The following SCUBE1 variants were observed in gnomAD, a reference collection of about 807,000 sequenced individuals.
The protein encoded by SCUBE1 is signal peptide, CUB and EGF-like domain-containing protein 1.
SCUBE1 carries 59 observed loss-of-function variants against 124.4 expected under a neutral mutation model. The ratio of observed to expected loss-of-function variants is 0.47; its 90% CI spans 0.38 to 0.59. SCUBE1 has a LOEUF of 0.59. SCUBE1 is among the 20% of genes least tolerant of loss of function. SCUBE1 has a pLI of 0.00. For synonymous variants in SCUBE1, 545 were observed against 550.9 expected (o/e 0.99, Z 0.15); for missense variants, 1,150 against 1,371.2 (o/e 0.84, Z 2.55).
intron 2 of SCUBE1, among the ~76,000 whole-genome samples, chr22:43,334,551 C>G (rs1380941547): frequency 6.6e-6 from 1 of 152,074 alleles, no homozygotes; most frequent in Non-Finnish European, 1.5e-5. Context: ...TCAGCACCAT[C>G]ATCATCAATA....
chr22:43,306,489 G>C (rs1925974574), intron 3 of SCUBE1, among the ~76,000 whole-genome samples: 2 of 152,066 alleles, frequency 1.3e-5, no homozygotes, highest in South Asian at 4.1e-4. Context: ...AAGGTAGGGT[G>C]GCACCAGGCA....
chr22:43,295,900 T>C (rs1049811571), intron 3 of SCUBE1, among the ~76,000 whole-genome samples: 2 of 152,156 alleles, frequency 1.3e-5, no homozygotes, highest in Non-Finnish European at 2.9e-5. Context: ...TACAAGCTGC[T>C]TTGAGGACAG....
intron 7 of SCUBE1, among the ~76,000 whole-genome samples, chr22:43,233,225 G>A (rs1009264284): frequency 4.6e-5 from 7 of 152,154 alleles, no homozygotes; most frequent in South Asian, 2.1e-4. Context: ...TTAGCTGGGC[G>A]TGGTGGCGCA....
At chr22:43,336,917 A>G (rs1172611405) in intron 2 of SCUBE1, among the ~76,000 whole-genome samples, 1 of 151,984 alleles carries the variant, frequency 6.6e-6, no homozygotes, top group Non-Finnish European at 1.5e-5. Flanking sequence ...AACATAGAGC[A>G]ACCAAGTGTG....
intron 3 of SCUBE1, among the ~76,000 whole-genome samples, chr22:43,312,680 G>A (rs1926212209): frequency 6.6e-6 from 1 of 152,176 alleles, no homozygotes; most frequent in Non-Finnish European, 1.5e-5. Context: ...CAAGGAGGCT[G>A]AACGAGCTAT....
intron 4 of SCUBE1, among the ~76,000 whole-genome samples, chr22:43,281,409 CCTCAGCCA>C (rs1924841091): frequency 1.0e-5 from 1 of 100,068 alleles, no homozygotes; most frequent in African/African-American, 6.8e-5. Context: ...CTGTCACCTC[CCTCAGCCA>C]TCCTCCTGTC....
intron 6 of SCUBE1, among the ~76,000 whole-genome samples, chr22:43,254,374 CCT>C (rs1348868416): frequency 3.9e-5 from 6 of 152,230 alleles, no homozygotes; most frequent in African/African-American, 9.6e-5. Flanking sequence ...GGCCATATCC[CCT>C]GTGGCCCTGG....
intron 4 of SCUBE1, among the ~76,000 whole-genome samples, chr22:43,268,548 G>A (rs1252088801): frequency 6.6e-6 from 1 of 152,194 alleles, no homozygotes; most frequent in African/African-American, 2.4e-5. Context: ...GGGCCAGGGA[G>A]CAAGGAGAGG....
chr22:43,268,516 G>C (rs1247883774), intron 4 of SCUBE1, among the ~76,000 whole-genome samples: 1 of 152,244 alleles, frequency 6.6e-6, no homozygotes, highest in Non-Finnish European at 1.5e-5. Flanking sequence ...CTCAGACCAA[G>C]TGTCTCCTTG....
chr22:43,283,011 C>T (rs1924986398), intron 4 of SCUBE1: 1 of 152,374 alleles, frequency 6.6e-6, no homozygotes, highest in African/African-American at 2.4e-5. Context: ...TGGGCTTCTC[C>T]AACCCCTTTC....
rs140525929 is a variant in SCUBE1 at position 43,221,205 on chromosome 22, C to T, written c.1517G>A (p.Arg506Gln). The change falls in exon 13 of 22, where the codon CGA (arginine) becomes CAA (glutamine). Residue 506 changes from arginine (R) to glutamine (Q), a missense_variant. By Grantham distance (43) the Arg-to-Gln change is conservative. Around this residue, in one of 3 missense-constraint regions of SCUBE1, gnomAD observed 757 missense variants for 840.9 expected, o/e 0.90. Coordinates refer to ENST00000360835, the MANE Select transcript of SCUBE1 (RefSeq NM_173050.5). Reference protein sequence around the residue: ...KCHLRPHSQARAKETARQPLL... With the variant: ...KCHLRPHSQAQAKETARQPLL... ...CGGCTGCCTGGCGGTCTCCTTTGCT[C>T]GTGCCTGGCTGTGGGGCCGGAGGTG... 1.2e-5 allele frequency: 19 copies of T among 1,611,032 alleles called. No homozygotes were observed. The highest frequency in any genetic ancestry group is 5.0e-5 in the Admixed American group (3 of 59,960).
chr22:43,247,057 T>C (rs753821452), intron 6 of SCUBE1, among the ~76,000 whole-genome samples: 6 of 152,240 alleles, frequency 3.9e-5, no homozygotes, highest in Non-Finnish European at 8.8e-5. Flanking sequence ...ATGACCTGAC[T>C]GAGGCCAGGC....
chr22:43,253,695 T>C (rs139027), intron 6 of SCUBE1, among the ~76,000 whole-genome samples: 28,240 of 140,678 alleles, frequency 0.2, 2,757 homozygotes, highest in South Asian at 0.23. Context: ...CATTATTGCA[T>C]GCAAGCACAG....
At chr22:43,227,648 C>CGTGTGTGTGCGTGTGGCGT in intron 9 of SCUBE1, 152 bp from the exon 10 acceptor site, 3 of 915,450 alleles carry the variant, frequency 3.3e-6, no homozygotes, top group Non-Finnish European at 4.9e-6. Flanking sequence ...ACACGCCACA[C>CGTGTGTGTGCGTGTGGCGT]GCACACACAC....
chr22:43,245,647 C>T (rs972128784), intron 6 of SCUBE1, among the ~76,000 whole-genome samples: 2 of 152,192 alleles, frequency 1.3e-5, no homozygotes, highest in South Asian at 4.1e-4. Flanking sequence ...TCTGAGGCAG[C>T]CCAGGGTCTC....
chr22:43,206,202 CCA>C (rs1233029601), intron 21 of SCUBE1, among the ~76,000 whole-genome samples: 6 of 147,540 alleles, frequency 4.1e-5, no homozygotes, highest in Non-Finnish European at 9.0e-5. Flanking sequence ...TCACTACACC[CCA>C]CACACACCCA....
intron 13 of SCUBE1, among the ~76,000 whole-genome samples, 191 bp from the exon 14 acceptor site, chr22:43,220,778 C>T (rs761611837): frequency 6.6e-6 from 1 of 152,196 alleles, no homozygotes; most frequent in African/African-American, 2.4e-5. Context: ...AGGTCTCACG[C>T]CCGGTCCATC....
chr22:43,210,064 C>A lies in SCUBE1; in HGVS notation c.2560G>T (p.Val854Phe). ...ATACCACTCTTCCTCATGACCAGAACATCGCCGCACTCATCCTCGATGGGC... is the reference window on the plus strand; with the variant it reads ...ATACCACTCTTCCTCATGACCAGAAAATCGCCGCACTCATCCTCGATGGGC... ...FLPIEDECGD[V>F]LVMRKSASPT... The change falls in exon 19 of 22, where the codon GTT (valine) becomes TTT (phenylalanine). Residue 854 changes from valine (V) to phenylalanine (F), a missense_variant. This residue lies in a region of SCUBE1 where 757 missense variants were observed against 840.9 expected (regional missense o/e 0.90). Coordinates refer to ENST00000360835, the MANE Select transcript of SCUBE1 (RefSeq NM_173050.5). This position sits in a 1 kb window ranked among gnomAD's most constrained non-coding sequence, Gnocchi z 4.5. The A allele has an allele frequency of 6.2e-7, 1 of 1,609,874 alleles. No individual in the cohort carries two copies. Among genetic ancestry groups the A allele is most frequent in the Non-Finnish European group, 8.5e-7 (1 of 1,178,128 alleles).
In SCUBE1 at chr22:43,275,427, C is replaced by T. The variant is rs1009959848; in HGVS notation, c.485-12582G>A. 3.9e-5 allele frequency among the ~76,000 whole-genome samples: 6 copies of T among 152,206 alleles called. No homozygotes were observed. In the East Asian group the frequency reaches 9.6e-4, roughly 24 times the overall value. On this transcript the variant is annotated intron_variant, in intron 4 of 21. Coordinates refer to ENST00000360835, the MANE Select transcript of SCUBE1 (RefSeq NM_173050.5). Reference sequence around the variant, plus strand: ...AGTCCCTCATGAGATGGTCTCATCTCCTCTACACTCCCATGCGGCATGTTT... The same window carrying T: ...AGTCCCTCATGAGATGGTCTCATCTTCTCTACACTCCCATGCGGCATGTTT...
Sources: gnomAD v4.1 joint callset for allele counts (sites outside exome capture counted in the v4.1 genomes callset) on GRCh38, gnomAD v4.1.1 for gene constraint, gnomAD v4.1.1 regional missense constraint, Gnocchi (gnomAD v3.1) non-coding constraint, MANE v1.5 for transcripts, NCBI Gene and HGNC (gene_info 2026-07-23, HGNC 2026-07-21) for gene names.